MYT1L: variants seen among roughly 807,000 people sequenced by gnomAD.
MYT1L encodes myelin transcription factor 1 like, also known as myelin transcription factor 1-like protein.
MYT1L carries 12 observed loss-of-function variants against 126.7 expected under a neutral mutation model. The ratio of observed to expected loss-of-function variants is 0.09; its 90% CI spans 0.06 to 0.15. MYT1L has a LOEUF of 0.15. Among genes scored for constraint, MYT1L ranks in the 10% least tolerant of loss-of-function variants. The pLI, the probability that MYT1L is intolerant of heterozygous loss-of-function variation, is 1.00. For missense variants in MYT1L, 979 were observed against 1,585.2 expected, an observed-to-expected ratio of 0.62 and a Z score of 6.49; for synonymous variants, 541 against 604.2, an observed-to-expected ratio of 0.90 and a Z score of 1.53.
At chr2:2,087,200 CT>C (rs1311034900) in intron 3 of MYT1L, among the ~76,000 whole-genome samples, 2 of 152,150 alleles carry the variant, frequency 1.3e-5, no homozygotes, top group Admixed American at 6.5e-5. Flanking sequence ...GGGAGTCCCC[CT>C]GATTACAGGT....
chr2:2,094,315 T>C (rs2077204079), intron 3 of MYT1L, among the ~76,000 whole-genome samples: 1 of 152,202 alleles, frequency 6.6e-6, no homozygotes, highest in African/African-American at 2.4e-5. Context: ...TTTTACATTG[T>C]TGGTGGGACT....
intron 9 of MYT1L, among the ~76,000 whole-genome samples, chr2:1,937,004 A>G (rs1166779839): frequency 6.6e-6 from 1 of 152,208 alleles, no homozygotes; most frequent in African/African-American, 2.4e-5. Context: ...TCTGCCTTGA[A>G]TTCCCTTTAA....
At chr2:1,923,894 C>T (rs192898113) in intron 9 of MYT1L, among the ~76,000 whole-genome samples, 2 of 152,308 alleles carry the variant, frequency 1.3e-5, no homozygotes, top group African/African-American at 4.8e-5. Context: ...TCATGATACA[C>T]AGTGAAACAA....
intron 2 of MYT1L, among the ~76,000 whole-genome samples, chr2:2,265,026 T>G (rs1346352044): frequency 6.6e-6 from 1 of 151,476 alleles, no homozygotes; most frequent in Non-Finnish European, 1.5e-5. Flanking sequence ...TCAGTCTTTT[T>G]TAATTTTTTT....
chr2:1,936,283 A>G (rs1018463286), intron 9 of MYT1L, among the ~76,000 whole-genome samples: 6 of 152,238 alleles, frequency 3.9e-5, no homozygotes, highest in Non-Finnish European at 8.8e-5. Flanking sequence ...GCTTTGTATC[A>G]AAGTACCTGA....
intron 2 of MYT1L, among the ~76,000 whole-genome samples, chr2:2,190,048 G>A (rs573020462): frequency 3.3e-5 from 5 of 152,304 alleles, no homozygotes; most frequent in African/African-American, 1.2e-4. Flanking sequence ...ACACCTCAGT[G>A]TTTCTCCTCT....
intron 1 of MYT1L, among the ~76,000 whole-genome samples, chr2:2,315,962 CA>C (rs2096058471): frequency 2.0e-5 from 3 of 152,042 alleles, no homozygotes; most frequent in Admixed American, 1.3e-4. Context: ...AAGCATTTCC[CA>C]ATACTTAGAG....
intron 3 of MYT1L, among the ~76,000 whole-genome samples, chr2:2,146,082 T>G (rs1461557534): frequency 6.6e-6 from 1 of 152,202 alleles, no homozygotes; most frequent in African/African-American, 2.4e-5. Flanking sequence ...CAAGGCTGAT[T>G]CCAATGGCCA....
At chr2:2,329,840 C>G (rs1463651516) in intron 1 of MYT1L, among the ~76,000 whole-genome samples, 1 of 152,044 alleles carries the variant, frequency 6.6e-6, no homozygotes, top group East Asian at 1.9e-4. Flanking sequence ...CATACATGTT[C>G]TTTTAGGTCA....
intron 3 of MYT1L, among the ~76,000 whole-genome samples, chr2:2,159,818 A>G (rs2087531112): frequency 1.3e-5 from 2 of 151,880 alleles, no homozygotes; most frequent in Non-Finnish European, 2.9e-5. Context: ...ATTGTTGATC[A>G]TTTGCATTTC....
chr2:1,994,237 T>C (rs1444519459), intron 5 of MYT1L, among the ~76,000 whole-genome samples: 1 of 152,216 alleles, frequency 6.6e-6, no homozygotes, highest in Non-Finnish European at 1.5e-5. Flanking sequence ...TTCCTTCCGG[T>C]GCCCTCACCA....
chr2:2,164,713 C>A (rs745888668), intron 3 of MYT1L, among the ~76,000 whole-genome samples: 1 of 152,178 alleles, frequency 6.6e-6, no homozygotes, highest in Admixed American at 6.5e-5. Flanking sequence ...GCTTTCAGGG[C>A]ATATGAAAGA....
At chr2:2,204,081 G>C (rs964923463) in intron 2 of MYT1L, among the ~76,000 whole-genome samples, 26 of 152,064 alleles carry the variant, frequency 1.7e-4, no homozygotes, top group African/African-American at 4.3e-4. Context: ...AAAGTGGATC[G>C]CTTCCTTACA....
intron 18 of MYT1L, among the ~76,000 whole-genome samples, chr2:1,876,202 T>C (rs1217290937): frequency 6.6e-6 from 1 of 152,220 alleles, no homozygotes; most frequent in Non-Finnish European, 1.5e-5. Flanking sequence ...TTTGTAGTTA[T>C]TTTAATTCCC....
chr2:2,308,643 C>T (rs1174688688), intron 1 of MYT1L, among the ~76,000 whole-genome samples: 1 of 151,944 alleles, frequency 6.6e-6, no homozygotes, highest in African/African-American at 2.4e-5. Context: ...CCTACCTATA[C>T]TTCACCTACA....
At chr2:2,203,596 C>G (rs1365273612) in intron 2 of MYT1L, among the ~76,000 whole-genome samples, 2 of 151,458 alleles carry the variant, frequency 1.3e-5, no homozygotes, top group Non-Finnish European at 2.9e-5. Flanking sequence ...AACCACTGCT[C>G]AATGAAATAA....
At chr2:1,797,374 C>T (rs1434189792) in intron 23 of MYT1L, among the ~76,000 whole-genome samples, 1 of 152,234 alleles carries the variant, frequency 6.6e-6, no homozygotes, top group East Asian at 1.9e-4. Flanking sequence ...CAGGCGCCCG[C>T]CACCACGCTA....
chr2:2,042,173 T>C (rs1199395718), intron 4 of MYT1L, among the ~76,000 whole-genome samples: 1 of 152,210 alleles, frequency 6.6e-6, no homozygotes, highest in Non-Finnish European at 1.5e-5. Flanking sequence ...AGATGGACTC[T>C]GTCTCCAGAT....
rs1316416056 is a variant in MYT1L, at chr2:1,840,896, C to CTTTT, written c.2775-54_2775-53insAAAA. 11 of 962,472 alleles carry CTTTT rather than the reference C, an allele frequency of 1.1e-5. 1 individual carries two copies. The African/African-American group carries it at 2.1e-4, about 18-fold the overall frequency. The allele number at this position is 962,472 out of a possible 1,614,324, so 59.6% of individuals were successfully genotyped here. Reference sequence around the variant, plus strand: ...ACCCCACACCGTTGATTTCAGTGAGCTTTCTTTCTTTTTTTTTTTTTTTTT... The same window carrying CTTTT: ...ACCCCACACCGTTGATTTCAGTGAGCTTTTTTTCTTTCTTTTTTTTTTTTTTTTT... On this transcript the variant is annotated intron_variant, in intron 19 of 24. Transcript: ENST00000647738.
Sources: gnomAD v4.1 joint callset for allele counts (sites outside exome capture counted in the v4.1 genomes callset) on GRCh38, gnomAD v4.1.1 for gene constraint, MANE v1.5 for transcripts, NCBI Gene and HGNC (gene_info 2026-07-23, HGNC 2026-07-21) for gene names.